The following ASTN1 variants were observed in gnomAD, a reference collection of about 807,000 sequenced individuals.
The protein encoded by ASTN1 is astrotactin 1, also known as astrotactin-1.
Under a neutral mutation model 140.7 loss-of-function variants are expected in ASTN1, and 41 were observed. The observed-to-expected ratio is 0.29, with a 90% CI of 0.23 to 0.38. ASTN1 has a LOEUF of 0.38. ASTN1 is among the 10% of genes least tolerant of loss of function. The pLI, the probability that ASTN1 is intolerant of heterozygous loss-of-function variation, is 1.00. For synonymous variants in ASTN1, 640 were observed against 652.2 expected (o/e 0.98, Z 0.29); for missense variants, 1,479 against 1,678.8 (o/e 0.88, Z 2.08).
intron 8 of ASTN1, among the ~76,000 whole-genome samples, chr1:176,989,683 T>G (rs1015995541): frequency 1.3e-5 from 2 of 151,782 alleles, no homozygotes; most frequent in Admixed American, 6.6e-5. Context: ...GAAGAGAAAA[T>G]AAAAGAAAAG....
At chr1:177,062,641 A>G (rs1678158069) in intron 1 of ASTN1, among the ~76,000 whole-genome samples, 1 of 152,034 alleles carries the variant, frequency 6.6e-6, no homozygotes, top group East Asian at 1.9e-4. Context: ...AAAGAGATTT[A>G]ATAAGACACA....
intron 1 of ASTN1, 61 bp from the exon 2 acceptor site, chr1:177,061,326 C>T: frequency 7.1e-7 from 1 of 1,408,662 alleles, no homozygotes; most frequent in Non-Finnish European, 9.4e-7. Flanking sequence ...TTTTCATCTT[C>T]TTCCTCGCCA....
intron 12 of ASTN1, among the ~76,000 whole-genome samples, chr1:176,946,885 A>G (rs796173870): frequency 6.6e-6 from 1 of 152,244 alleles, no homozygotes; most frequent in South Asian, 2.1e-4. Context: ...TAGTGAGAAG[A>G]ATTTACATTT....
At chr1:176,946,480 G>A (rs1319054795) in intron 12 of ASTN1, among the ~76,000 whole-genome samples, 8 of 152,130 alleles carry the variant, frequency 5.3e-5, no homozygotes, top group Non-Finnish European at 4.4e-5. Flanking sequence ...ATATTCTAGA[G>A]CTTTTCTTAA....
At position 176,862,274 on chromosome 1, in the gene ASTN1, T is replaced by C. The variant is rs1667994340; in HGVS notation, c.*2010A>G. 5.1e-6 allele frequency: 5 copies of C among 985,238 alleles called. No homozygotes were observed. Among genetic ancestry groups the C allele is most frequent in the Non-Finnish European group, 6.0e-6 (5 of 829,934 alleles). 61.0% of individuals were successfully genotyped at this position (985,238 alleles called of 1,614,324 possible). A position where few individuals can be genotyped will look rare whatever the true frequency, so the allele number is the denominator to read the frequency against. On this transcript the variant is annotated 3_prime_UTR_variant, in exon 23 of 23. Transcript: ENST00000361833. Reference sequence around the variant, plus strand: ...GAGTTTGAAATAAATCCTTCAGTGTTTGGAAAGAAGGAGAGAGGAGAGTGA... The same window carrying C: ...GAGTTTGAAATAAATCCTTCAGTGTCTGGAAAGAAGGAGAGAGGAGAGTGA...
At chr1:177,124,236 A>T (rs1681535754) in intron 1 of ASTN1, among the ~76,000 whole-genome samples, 1 of 152,056 alleles carries the variant, frequency 6.6e-6, no homozygotes, top group South Asian at 2.1e-4. Flanking sequence ...CTGGCAGTGG[A>T]GCGTCTACTC....
chr1:176,903,312 T>C (rs1306634468), intron 16 of ASTN1, among the ~76,000 whole-genome samples: 1 of 152,040 alleles, frequency 6.6e-6, no homozygotes, highest in African/African-American at 2.4e-5. Flanking sequence ...TTTCTTCCCA[T>C]ATATTTTTTG....
chr1:177,058,131 C>A (rs568519719), intron 2 of ASTN1, among the ~76,000 whole-genome samples: 1 of 152,128 alleles, frequency 6.6e-6, no homozygotes, highest in Non-Finnish European at 1.5e-5. Flanking sequence ...GACAATGAGA[C>A]GGCTAGGTGG....
chr1:177,108,701 AAAG>A (rs758386794), intron 1 of ASTN1, among the ~76,000 whole-genome samples: 47 of 152,326 alleles, frequency 3.1e-4, no homozygotes, highest in Middle Eastern at 3.4e-3. Context: ...AGAAAAACTG[AAAG>A]AAGAAGTTTG....
At chr1:177,089,356 AT>A (rs1317636576) in intron 1 of ASTN1, among the ~76,000 whole-genome samples, 1 of 152,184 alleles carries the variant, frequency 6.6e-6, no homozygotes. Flanking sequence ...GTGAGGGGAA[AT>A]TAAAGCCATT....
intron 3 of ASTN1, 49 bp from the exon 4 acceptor site, chr1:177,031,001 G>A: frequency 6.4e-7 from 1 of 1,570,194 alleles, no homozygotes; most frequent in Non-Finnish European, 8.7e-7. Context: ...AAGACCAAAA[G>A]AAAGGGAGAA....
chr1:176,864,032 C>T lies in ASTN1; in HGVS notation c.*252G>A. On this transcript the variant is annotated 3_prime_UTR_variant, in exon 23 of 23. Coordinates refer to ENST00000361833, the MANE Select transcript of ASTN1 (RefSeq NM_004319.3). The stretch of plus-strand genomic sequence containing the variant: ...TGGAACAAATTAATGGCAAAGCAAA[C>T]CCCAAAGTAATCCTCTAAAGAAATA... 1 of 1,287,416 alleles carries T rather than the reference C, an allele frequency of 7.8e-7. No homozygotes were observed. The allele number at this position is 1,287,416 out of a possible 1,614,324, so 79.7% of individuals were successfully genotyped here.
intron 11 of ASTN1, among the ~76,000 whole-genome samples, chr1:176,950,923 T>C (rs1672165229): frequency 6.6e-6 from 1 of 152,174 alleles, no homozygotes; most frequent in Admixed American, 6.5e-5. Context: ...TTCTCTTTGC[T>C]GCCAAGCACC....
intron 1 of ASTN1, among the ~76,000 whole-genome samples, chr1:177,115,020 A>T (rs1231673617): frequency 6.6e-6 from 1 of 151,766 alleles, no homozygotes; most frequent in Non-Finnish European, 1.5e-5. Context: ...GAGAAATGAG[A>T]GGTAGAAGGA....
intron 8 of ASTN1, among the ~76,000 whole-genome samples, chr1:176,966,625 C>T (rs1176769305): frequency 2.0e-5 from 3 of 152,130 alleles, no homozygotes; most frequent in African/African-American, 7.2e-5. Flanking sequence ...ATTGTATAAT[C>T]ACTTTGAATC....
chr1:177,027,362 T>C (rs1676169361), intron 5 of ASTN1, among the ~76,000 whole-genome samples: 1 of 152,090 alleles, frequency 6.6e-6, no homozygotes, highest in African/African-American at 2.4e-5. Context: ...GTGATTTCAA[T>C]GACTTGCTAC....
Position 177,069,009 on chromosome 1 carries a change from C to T in ASTN1, c.284-7744G>A, listed in dbSNP as rs191882295. On this transcript the variant is annotated intron_variant, in intron 1 of 22. Transcript: ENST00000361833. Reference sequence around the variant, plus strand: ...TGCTAATATTTGTATTATTATGAGACGAGGTTTCACCATGTTGCCCAGGCT... The same window carrying T: ...TGCTAATATTTGTATTATTATGAGATGAGGTTTCACCATGTTGCCCAGGCT... Among the ~76,000 whole-genome samples, 107 of 151,728 alleles carry T rather than the reference C, an allele frequency of 7.1e-4. 1 individual carries two copies. Among genetic ancestry groups the T allele is most frequent in the Admixed American group, 1.2e-3 (18 of 15,230 alleles).
At chr1:177,040,578 TAAGACC>T (rs147719634) in intron 2 of ASTN1, among the ~76,000 whole-genome samples, 5 of 152,358 alleles carry the variant, frequency 3.3e-5, no homozygotes, top group African/African-American at 1.2e-4. Flanking sequence ...AGGCAAAGGC[TAAGACC>T]AAGAGTCTTC....
At chr1:177,136,297 T>C (rs530205606) in intron 1 of ASTN1, among the ~76,000 whole-genome samples, 1 of 152,282 alleles carries the variant, frequency 6.6e-6, no homozygotes, top group East Asian at 1.9e-4. Context: ...TCTCTACATG[T>C]TTCAAAGTAT....
Sources: gnomAD v4.1 joint callset for allele counts (sites outside exome capture counted in the v4.1 genomes callset) on GRCh38, gnomAD v4.1.1 for gene constraint, MANE v1.5 for transcripts, NCBI Gene and HGNC (gene_info 2026-07-23, HGNC 2026-07-21) for gene names.